CTNNA3: variants seen among roughly 807,000 people sequenced by gnomAD.
CTNNA3 encodes catenin alpha 3.
Under a neutral mutation model 95.7 loss-of-function variants are expected in CTNNA3, and 76 were observed. The ratio of observed to expected loss-of-function variants is 0.79; its 90% CI spans 0.66 to 0.96. CTNNA3 has a LOEUF of 0.96. Ranked by LOEUF, CTNNA3 falls within the 40% of genes least tolerant of loss-of-function variation. The pLI, the probability that CTNNA3 is intolerant of heterozygous loss-of-function variation, is 0.00. For synonymous variants in CTNNA3, 431 were observed against 374.4 expected, an observed-to-expected ratio of 1.15 and a Z score of -1.74; for missense variants, 1,191 against 1,089.8, an observed-to-expected ratio of 1.09 and a Z score of -1.31.
At chr10:67,302,065 AAGAAAGAAAGAAAGAAAGAAAGAAAG>A (rs1440930947) in intron 5 of CTNNA3, among the ~76,000 whole-genome samples, 1 of 91,226 alleles carries the variant, frequency 1.1e-5, no homozygotes, top group Admixed American at 1.0e-4. Context: ...GAAAGAAAGA[AAGAAAGAAAGAAAGAAAGAAAGAAAG>A]AAAGAAAATC....
chr10:67,463,585 A>C (rs1372164697), intron 5 of CTNNA3, among the ~76,000 whole-genome samples: 3 of 152,208 alleles, frequency 2.0e-5, no homozygotes, highest in African/African-American at 7.2e-5. Flanking sequence ...ACATGTGTTC[A>C]ATTTAATCTA....
At chr10:67,674,601 A>G (rs1840502215) in intron 1 of CTNNA3, among the ~76,000 whole-genome samples, 1 of 152,140 alleles carries the variant, frequency 6.6e-6, no homozygotes, top group Non-Finnish European at 1.5e-5. Context: ...CCAAAACAAG[A>G]TATTACATGA....
intron 3 of CTNNA3, among the ~76,000 whole-genome samples, chr10:67,553,823 G>C (rs921977525): frequency 6.6e-6 from 1 of 150,760 alleles, no homozygotes; most frequent in African/African-American, 2.4e-5. Flanking sequence ...GGTTTGTTAC[G>C]TATGTATACA....
At chr10:66,552,651 T>C (rs1483953641) in intron 10 of CTNNA3, among the ~76,000 whole-genome samples, 1 of 152,158 alleles carries the variant, frequency 6.6e-6, no homozygotes, top group African/African-American at 2.4e-5. Context: ...TTTGTATTTT[T>C]TTCTAGGGAT....
At chr10:66,377,997 A>T (rs2092808074) in intron 12 of CTNNA3, among the ~76,000 whole-genome samples, 1 of 152,032 alleles carries the variant, frequency 6.6e-6, no homozygotes, top group Admixed American at 6.6e-5. Context: ...TCAAAGAGAT[A>T]GTAAGAAAAT....
At chr10:65,967,164 T>A (rs186715455) in intron 16 of CTNNA3, among the ~76,000 whole-genome samples, 28 of 151,596 alleles carry the variant, frequency 1.8e-4, no homozygotes, top group African/African-American at 6.5e-4. Flanking sequence ...CACCGTGTTA[T>A]CTAGGATGGT....
intron 7 of CTNNA3, among the ~76,000 whole-genome samples, chr10:66,908,694 A>T (rs535060141): frequency 6.6e-6 from 1 of 152,160 alleles, no homozygotes; most frequent in South Asian, 2.1e-4. Flanking sequence ...AAAAAAATTC[A>T]TTTTTATTAT....
In CTNNA3 at chr10:67,180,462, T is replaced by C. The variant is rs1303086230; in HGVS notation, c.902A>G (p.Glu301Gly). The C allele has an allele frequency of 5.0e-6, 8 of 1,613,912 alleles. No individual in the cohort carries two copies. Among genetic ancestry groups the C allele is most frequent in the Middle Eastern group, 1.7e-4 (1 of 6,060 alleles). Reference sequence around the variant, plus strand: ...ACTGATAATGGCTTCAAGGCGTTTCTCTAGTGATGGTCGTATTTCCTCCTC... The same window carrying C: ...ACTGATAATGGCTTCAAGGCGTTTCCCTAGTGATGGTCGTATTTCCTCCTC... ...VTEEEIRPSL[E>G]KRLEAIISGA... Residue 301 changes from glutamate (E) to glycine (G), a missense_variant, in exon 7 of 18, where the codon GAG (glutamate) becomes GGG (glycine). Glu to Gly is a moderately conservative substitution (Grantham distance 98). Coordinates refer to ENST00000433211, the MANE Select transcript of CTNNA3 (RefSeq NM_013266.4).
intron 11 of CTNNA3, among the ~76,000 whole-genome samples, chr10:66,420,365 T>A (rs1174524260): frequency 6.6e-6 from 1 of 152,136 alleles, no homozygotes; most frequent in East Asian, 1.9e-4. Flanking sequence ...GCTATTTTTT[T>A]ATTTTTATTT....
chr10:66,431,831 G>A (rs1372441907), intron 11 of CTNNA3, among the ~76,000 whole-genome samples: 1 of 151,726 alleles, frequency 6.6e-6, no homozygotes, highest in Non-Finnish European at 1.5e-5. Context: ...ACACCAACAT[G>A]GCACATGTAT....
At chr10:66,112,722 T>C (rs1249675515) in intron 13 of CTNNA3, among the ~76,000 whole-genome samples, 2 of 152,142 alleles carry the variant, frequency 1.3e-5, no homozygotes, top group African/African-American at 2.4e-5. Flanking sequence ...AATCATGCAG[T>C]ATTTGCCTTT....
At chr10:66,410,265 G>A (rs963196363) in intron 11 of CTNNA3, among the ~76,000 whole-genome samples, 2 of 152,166 alleles carry the variant, frequency 1.3e-5, no homozygotes, top group African/African-American at 2.4e-5. Flanking sequence ...TCTTTCAGGT[G>A]GAGTCAAGAT....
At chr10:67,074,650 C>T (rs1269775227) in intron 7 of CTNNA3, among the ~76,000 whole-genome samples, 1 of 152,104 alleles carries the variant, frequency 6.6e-6, no homozygotes, top group Non-Finnish European at 1.5e-5. Flanking sequence ...GCGCCCAACC[C>T]ACTTTAACTC....
chr10:66,749,588 C>T (rs1197075536), intron 9 of CTNNA3, among the ~76,000 whole-genome samples: 1 of 152,108 alleles, frequency 6.6e-6, no homozygotes, highest in African/African-American at 2.4e-5. Flanking sequence ...TGGATATACC[C>T]CGGTTTATTT....
intron 12 of CTNNA3, among the ~76,000 whole-genome samples, chr10:66,325,245 C>T (rs2092240354): frequency 6.6e-6 from 1 of 151,998 alleles, no homozygotes. Flanking sequence ...TGACTGTTTT[C>T]TGTACATTAA....
intron 5 of CTNNA3, among the ~76,000 whole-genome samples, chr10:67,308,921 T>C (rs1383268192): frequency 6.6e-6 from 1 of 152,178 alleles, no homozygotes; most frequent in Admixed American, 6.5e-5. Flanking sequence ...TGAATTTTAA[T>C]TCTCAAAAAG....
chr10:66,614,609 A>G (rs2132295414), intron 10 of CTNNA3, among the ~76,000 whole-genome samples: 1 of 152,132 alleles, frequency 6.6e-6, no homozygotes, highest in South Asian at 2.1e-4. Context: ...ATTTTCAGTA[A>G]CAACTTATAA....
chr10:66,846,704 G>A (rs1843296950), intron 7 of CTNNA3, among the ~76,000 whole-genome samples: 1 of 152,008 alleles, frequency 6.6e-6, no homozygotes, highest in Non-Finnish European at 1.5e-5. Context: ...TTTTAGGAAT[G>A]GATTTCTGGA....
At chr10:66,948,338 A>G (rs1404517952) in intron 7 of CTNNA3, among the ~76,000 whole-genome samples, 1 of 152,222 alleles carries the variant, frequency 6.6e-6, no homozygotes, top group Non-Finnish European at 1.5e-5. Flanking sequence ...GATATTTTCC[A>G]ACAAGCAAAA....
Sources: gnomAD v4.1 joint callset for allele counts (sites outside exome capture counted in the v4.1 genomes callset) on GRCh38, gnomAD v4.1.1 for gene constraint, MANE v1.5 for transcripts, NCBI Gene and HGNC (gene_info 2026-07-23, HGNC 2026-07-21) for gene names.